CYP4X1: variants seen among roughly 807,000 people sequenced by gnomAD.
The protein encoded by CYP4X1 is cytochrome P450 family 4 subfamily X member 1.
Under a neutral mutation model 57.9 loss-of-function variants are expected in CYP4X1, and 44 were observed. The observed-to-expected ratio is 0.76, with a 90% CI of 0.60 to 0.98. CYP4X1 has a LOEUF of 0.98. CYP4X1 is among the 50% of genes least tolerant of loss of function. The pLI is 0.00. For synonymous variants in CYP4X1, 227 were observed against 228.6 expected, an observed-to-expected ratio of 0.99 and a Z score of 0.06; for missense variants, 532 against 623.9, an observed-to-expected ratio of 0.85 and a Z score of 1.57.
chr1:46,987,108 T>G, the CYP4X1 span, among the ~76,000 whole-genome samples: 10 of 152,136 alleles, frequency 6.6e-5, no homozygotes, highest in Admixed American at 6.5e-4. Context: ...CAAGATCCAT[T>G]GGTGTGCTGT....
the CYP4X1 span, among the ~76,000 whole-genome samples, chr1:47,014,269 A>G: frequency 6.6e-6 from 1 of 152,198 alleles, no homozygotes; most frequent in African/African-American, 2.4e-5. Context: ...GTACTATAAA[A>G]TGTGAAACTC....
the CYP4X1 span, among the ~76,000 whole-genome samples, chr1:46,981,903 G>C: frequency 2.0e-5 from 3 of 152,142 alleles, no homozygotes; most frequent in Non-Finnish European, 4.4e-5. Context: ...AACACCACTT[G>C]TTCTCACTCA....
the CYP4X1 span, among the ~76,000 whole-genome samples, chr1:47,009,582 G>C: frequency 6.6e-6 from 1 of 152,156 alleles, no homozygotes. Context: ...GAAGGAAATA[G>C]AGACACAAAA....
At chr1:47,024,033 G>A in intron 1 of CYP4X1, 39 bp downstream of exon 1, 1 of 1,584,060 alleles carries the variant, frequency 6.3e-7, no homozygotes, top group Admixed American at 1.7e-5. Context: ...GGAGGGAGGG[G>A]CGGAGGAGGA....
rs1644110785 is a variant in CYP4X1 at position 47,030,148 on chromosome 1, A to T, written c.319+17A>T. 1 of 1,602,878 alleles carries T rather than the reference A, an allele frequency of 6.2e-7. No homozygotes were observed. Among genetic ancestry groups the T allele is most frequent in the Non-Finnish European group, 8.5e-7 (1 of 1,173,140 alleles). On this transcript the variant is annotated intron_variant, in intron 2 of 11. Transcript: ENST00000371901. The stretch of plus-strand genomic sequence containing the variant: ...GCAGAACAGGTAAGAAGAGGGGGAA[A>T]GCTCTGGGACCTATTCCTCCTAGAA...
At chr1:46,995,555 C>A in the CYP4X1 span, among the ~76,000 whole-genome samples, 1 of 152,030 alleles carries the variant, frequency 6.6e-6, no homozygotes, top group East Asian at 1.9e-4. Context: ...TCTCTAAGAT[C>A]AAATTCAATG....
chr1:46,987,190 A>G, the CYP4X1 span, among the ~76,000 whole-genome samples: 2 of 152,238 alleles, frequency 1.3e-5, no homozygotes, highest in Non-Finnish European at 2.9e-5. Context: ...AGGAATATTT[A>G]CCAAGCAAAT....
Position 47,050,069 on chromosome 1 carries a change from C to G in CYP4X1, c.1425C>G (p.Phe475Leu). ...KVTIALILLH[F>L]RVTPDPTRPL... is the part of the protein sequence containing the mutation. ...CCATTGCCTTGATTCTGCTCCACTT[C>G]AGAGTGACTCCAGACCCCACCAGGC... Residue 475 changes from phenylalanine (F) to leucine (L), a missense_variant, in exon 12 of 12, where the codon TTC becomes TTG. Phe to Leu is a conservative substitution (Grantham distance 22). Coordinates refer to ENST00000371901, the MANE Select transcript of CYP4X1 (RefSeq NM_178033.2). 2 of 1,614,068 alleles carry G rather than the reference C, an allele frequency of 1.2e-6. No homozygotes were observed. Among genetic ancestry groups the G allele is most frequent in the South Asian group, 1.1e-5 (1 of 91,070 alleles).
At chr1:47,012,179 A>G in the CYP4X1 span, among the ~76,000 whole-genome samples, 51 of 152,298 alleles carry the variant, frequency 3.3e-4, no homozygotes, top group South Asian at 4.1e-4. Context: ...ACAATGATAG[A>G]CTGGATTAAG....
chr1:47,023,765 C>G lies in CYP4X1; in HGVS notation c.-53C>G. 1 of 1,580,834 alleles carries G rather than the reference C, an allele frequency of 6.3e-7. No individual in the cohort carries two copies. Among genetic ancestry groups the G allele is most frequent in the Admixed American group, 1.7e-5 (1 of 57,998 alleles). On this transcript the variant is annotated 5_prime_UTR_variant, in exon 1 of 12. Coordinates refer to ENST00000371901, the MANE Select transcript of CYP4X1 (RefSeq NM_178033.2). ...ACGCCAGCTCCGGGCGGGAGAAAGC[C>G]CACCCTCTCCCGCGCCCCAGGAAAC...
chr1:46,981,793 T>G, the CYP4X1 span, among the ~76,000 whole-genome samples: 1 of 152,228 alleles, frequency 6.6e-6, no homozygotes, highest in African/African-American at 2.4e-5. Context: ...CATGGAATAC[T>G]ATGCAGCTTT....
chr1:46,983,940 T>C, the CYP4X1 span, among the ~76,000 whole-genome samples: 1 of 152,074 alleles, frequency 6.6e-6, no homozygotes, highest in East Asian at 1.9e-4. Context: ...GCATCATTGG[T>C]ACAGCCCCTA....
At chr1:47,045,025 A>G (rs933108907) in intron 8 of CYP4X1, among the ~76,000 whole-genome samples, 1 of 152,118 alleles carries the variant, frequency 6.6e-6, no homozygotes, top group Non-Finnish European at 1.5e-5. Context: ...GGGTTTCTCC[A>G]TGTTGGTCAG....
the CYP4X1 span, among the ~76,000 whole-genome samples, chr1:46,988,942 A>T: frequency 2.4e-3 from 363 of 152,320 alleles, 1 homozygote; most frequent in African/African-American, 8.4e-3. Flanking sequence ...CGCCAATATC[A>T]TACTAAACGG....
At chr1:47,041,348 A>G (rs1463456351) in intron 8 of CYP4X1, among the ~76,000 whole-genome samples, 1 of 152,092 alleles carries the variant, frequency 6.6e-6, no homozygotes, top group African/African-American at 2.4e-5. Flanking sequence ...TTCTATTTTT[A>G]ATTTTTTGAG....
intron 4 of CYP4X1, 62 bp downstream of exon 4, chr1:47,033,430 G>A: frequency 6.4e-7 from 1 of 1,572,004 alleles, no homozygotes; most frequent in Non-Finnish European, 8.6e-7. Flanking sequence ...GACAGTATTA[G>A]GTATGTGTTT....
intron 1 of CYP4X1, among the ~76,000 whole-genome samples, chr1:47,025,447 C>A (rs1374512143): frequency 1.3e-5 from 2 of 152,196 alleles, no homozygotes; most frequent in Non-Finnish European, 2.9e-5. Flanking sequence ...CAACATCCAC[C>A]TATGAACTTC....
At position 47,030,002 on chromosome 1, in the gene CYP4X1, G is replaced by A; in HGVS notation, c.190G>A (p.Asp64Asn). 1.2e-6 allele frequency: 2 copies of A among 1,614,016 alleles called. No individual in the cohort carries two copies. The highest frequency in any genetic ancestry group is 1.7e-6 in the Non-Finnish European group (2 of 1,179,966). ...FLGHQKFIQD[D>N]NMEKLEEIIE... ...TTTTTCACTGCAGTTTATTCAGGAT[G>A]ATAACATGGAGAAGCTTGAGGAAAT... is the stretch of plus-strand genomic sequence containing the variant. The change falls in exon 2 of 12, where the codon GAT (aspartate) becomes AAT (asparagine). Residue 64 changes from aspartate (D) to asparagine (N), a missense_variant. Physicochemically the swap from Asp to Asn is conservative, Grantham distance 23 (BLOSUM62 1). Coordinates refer to ENST00000371901, the MANE Select transcript of CYP4X1 (RefSeq NM_178033.2).
At chr1:46,965,903 A>C in the CYP4X1 span, among the ~76,000 whole-genome samples, 1 of 152,118 alleles carries the variant, frequency 6.6e-6, no homozygotes, top group South Asian at 2.1e-4. Flanking sequence ...CCCTGGCTGG[A>C]GTGATGGAAG....
Sources: gnomAD v4.1 joint callset for allele counts (sites outside exome capture counted in the v4.1 genomes callset) on GRCh38, gnomAD v4.1.1 for gene constraint, MANE v1.5 for transcripts, NCBI Gene and HGNC (gene_info 2026-07-23, HGNC 2026-07-21) for gene names.